CUX1: variants seen among roughly 807,000 people sequenced by gnomAD.
The protein encoded by CUX1 is cut like homeobox 1, also known as protein CASP.
CUX1 carries 31 observed loss-of-function variants against 158.8 expected under a neutral mutation model. The ratio of observed to expected loss-of-function variants is 0.20; its 90% CI spans 0.15 to 0.26. The LOEUF (loss-of-function observed/expected upper bound fraction) is 0.26. Among genes scored for constraint, CUX1 ranks in the 10% least tolerant of loss-of-function variants. CUX1 has a pLI of 1.00. For missense variants in CUX1, 1,589 were observed against 2,014.6 expected, an observed-to-expected ratio of 0.79 and a Z score of 4.04; for synonymous variants, 879 against 862.1, an observed-to-expected ratio of 1.02 and a Z score of -0.34.
chr7:102,047,704 A>G (rs1449684915), intron 3 of CUX1, among the ~76,000 whole-genome samples: 1 of 152,204 alleles, frequency 6.6e-6, no homozygotes, highest in African/African-American at 2.4e-5. Flanking sequence ...ATGCTCAGTC[A>G]TACAGTATTT....
intron 1 of CUX1, among the ~76,000 whole-genome samples, chr7:101,867,474 G>A (rs1798052310): frequency 6.6e-6 from 1 of 152,194 alleles, no homozygotes; most frequent in African/African-American, 2.4e-5. Context: ...TGTTAGGTCT[G>A]CCCCAGCCAC....
At chr7:102,181,971 C>T (rs1051481986) in intron 11 of CUX1, among the ~76,000 whole-genome samples, 19 of 152,246 alleles carry the variant, frequency 1.2e-4, no homozygotes, top group Admixed American at 5.2e-4. Context: ...GAACCCTGCC[C>T]CCGCAGTCTT....
intron 8 of CUX1, among the ~76,000 whole-genome samples, chr7:102,119,903 G>T (rs1024296957): frequency 2.0e-5 from 3 of 152,120 alleles, no homozygotes; most frequent in African/African-American, 4.8e-5. Context: ...CCTGTGTACG[G>T]ATCTTCCCGC....
chr7:101,938,505 A>AT (rs896793945), intron 2 of CUX1, among the ~76,000 whole-genome samples: 3 of 152,118 alleles, frequency 2.0e-5, no homozygotes, highest in South Asian at 2.1e-4. Context: ...GGGGGAAGAG[A>AT]TTTTTTTAAA....
At chr7:102,001,233 A>T (rs189596787) in intron 2 of CUX1, among the ~76,000 whole-genome samples, 37 of 152,176 alleles carry the variant, frequency 2.4e-4, no homozygotes, top group Admixed American at 2.0e-3. Flanking sequence ...ATTCTTGGGG[A>T]TTGCCAGTAG....
chr7:102,104,490 G>A (rs1174431158), intron 6 of CUX1, 31 bp downstream of exon 6: 2 of 1,605,692 alleles, frequency 1.2e-6, no homozygotes, highest in Non-Finnish European at 1.7e-6. Context: ...CACACAGACT[G>A]ACATAGCATT....
At chr7:101,921,837 G>T (rs1414363089) in intron 2 of CUX1, among the ~76,000 whole-genome samples, 1 of 152,110 alleles carries the variant, frequency 6.6e-6, no homozygotes, top group Admixed American at 6.5e-5. Flanking sequence ...TTGGTTTGTG[G>T]CCAGACACAG....
intron 1 of CUX1, among the ~76,000 whole-genome samples, chr7:101,911,363 A>G (rs1803437040): frequency 6.6e-6 from 1 of 150,640 alleles, no homozygotes; most frequent in Admixed American, 6.6e-5. Context: ...CCTCCAGTGG[A>G]TGACCTGAAC....
At chr7:102,070,267 A>T (rs892106518) in intron 3 of CUX1, 72 bp from the exon 4 acceptor site, 1 of 1,316,890 alleles carries the variant, frequency 7.6e-7, no homozygotes, top group African/African-American at 1.5e-5. Flanking sequence ...TAGATGTGTA[A>T]TGCTTTGTAA....
chr7:102,062,295 G>T (rs1049410549), intron 3 of CUX1, among the ~76,000 whole-genome samples: 4 of 152,140 alleles, frequency 2.6e-5, no homozygotes, highest in East Asian at 3.9e-4. Flanking sequence ...CTAGATGGTA[G>T]TTGGGAGCGG....
chr7:101,816,395 C>G (rs1032424465), upstream of CUX1, among the ~76,000 whole-genome samples: 1 of 143,808 alleles, frequency 7.0e-6, no homozygotes, highest in Admixed American at 6.8e-5. Context: ...CGGGCGCCCC[C>G]CCGGGCCCCG....
chr7:102,093,921 G>A (rs935079927), intron 4 of CUX1, among the ~76,000 whole-genome samples: 5 of 152,076 alleles, frequency 3.3e-5, no homozygotes, highest in South Asian at 2.1e-4. Flanking sequence ...TGTCCTCTTC[G>A]CCTCCTCCAG....
At position 102,055,284 on chromosome 7, in the gene CUX1, T is replaced by C. The variant is rs116385489; in HGVS notation, c.190-15055T>C. On this transcript the variant is annotated intron_variant, in intron 3 of 23. Coordinates refer to ENST00000292535, the MANE Select transcript of CUX1 (RefSeq NM_181552.4). ...AAAGACAAATGTTTTTTTACAGGGA[T>C]ACTTTGTTGCATTGAGCTCCACTTT... 6.0e-3 allele frequency among the ~76,000 whole-genome samples: 912 copies of C among 152,312 alleles called. 8 individuals are homozygous for C. Among genetic ancestry groups the C allele is most frequent in the African/African-American group, 0.021 (878 of 41,556 alleles).
chr7:101,944,682 T>A (rs1421552058), intron 2 of CUX1, among the ~76,000 whole-genome samples: 4 of 152,232 alleles, frequency 2.6e-5, no homozygotes, highest in Non-Finnish European at 5.9e-5. Flanking sequence ...GTCCATGTCA[T>A]CTGCTGTGGC....
At chr7:102,103,549 G>C (rs1318047889) in intron 5 of CUX1, among the ~76,000 whole-genome samples, 1 of 152,012 alleles carries the variant, frequency 6.6e-6, no homozygotes, top group East Asian at 1.9e-4. Flanking sequence ...TTCCACCTCA[G>C]CCTCCCAAGT....
At chr7:102,005,725 C>G (rs2129285284) in intron 2 of CUX1, among the ~76,000 whole-genome samples, 1 of 152,266 alleles carries the variant, frequency 6.6e-6, no homozygotes, top group African/African-American at 2.4e-5. Flanking sequence ...TCTACTCCAC[C>G]TGCTGAGGCT....
intron 1 of CUX1, among the ~76,000 whole-genome samples, chr7:101,852,175 C>G (rs1796330822): frequency 6.6e-6 from 1 of 151,996 alleles, no homozygotes; most frequent in South Asian, 2.1e-4. Flanking sequence ...GTGTTTTCTG[C>G]AGGAATTTCT....
intron 5 of CUX1, among the ~76,000 whole-genome samples, chr7:102,099,358 C>T (rs1829545300): frequency 6.6e-6 from 1 of 152,124 alleles, no homozygotes; most frequent in Admixed American, 6.5e-5. Flanking sequence ...GAAGGTATTA[C>T]CTTCCCTTGT....
At chr7:102,024,699 C>T (rs1030568722) in intron 2 of CUX1, among the ~76,000 whole-genome samples, 9 of 152,148 alleles carry the variant, frequency 5.9e-5, no homozygotes, top group Admixed American at 6.6e-5. Flanking sequence ...TGCCAGGCCC[C>T]ATGGTCGTTT....
Sources: gnomAD v4.1 joint callset for allele counts (sites outside exome capture counted in the v4.1 genomes callset) on GRCh38, gnomAD v4.1.1 for gene constraint, MANE v1.5 for transcripts, NCBI Gene and HGNC (gene_info 2026-07-23, HGNC 2026-07-21) for gene names.